The following GARNL3 variants were observed in gnomAD, a reference collection of about 807,000 sequenced individuals.
GARNL3 encodes the protein GTPase activating Rap/RanGAP domain like 3.
Under a neutral mutation model 125.0 loss-of-function variants are expected in GARNL3, and 63 were observed. That is an observed-to-expected ratio of 0.50 (90% CI 0.41 to 0.62). The LOEUF is 0.62. Among genes scored for constraint, GARNL3 ranks in the 20% least tolerant of loss-of-function variants. The pLI, the probability that GARNL3 is intolerant of heterozygous loss-of-function variation, is 0.00. For synonymous variants in GARNL3, 439 were observed against 457.5 expected, an observed-to-expected ratio of 0.96 and a Z score of 0.52; for missense variants, 994 against 1,244.0, an observed-to-expected ratio of 0.80 and a Z score of 3.02.
At chr9:127,296,837 C>T (rs564134471) in intron 2 of GARNL3, among the ~76,000 whole-genome samples, 1 of 151,946 alleles carries the variant, frequency 6.6e-6, no homozygotes, top group African/African-American at 2.4e-5. Context: ...CCTCTCTCAC[C>T]CTGGAGGTTG....
At chr9:127,360,561 C>G (rs556628869) in intron 21 of GARNL3, among the ~76,000 whole-genome samples, 1 of 152,298 alleles carries the variant, frequency 6.6e-6, no homozygotes, top group South Asian at 2.1e-4. Context: ...TGTATGTTTT[C>G]TAATAGCTGG....
intron 16 of GARNL3, among the ~76,000 whole-genome samples, chr9:127,348,624 T>C (rs930088675): frequency 2.0e-5 from 3 of 152,218 alleles, no homozygotes; most frequent in African/African-American, 7.2e-5. Context: ...TAAAGCAAAA[T>C]GCTTCCTTAG....
chr9:127,353,267 C>G (rs1353995890), intron 17 of GARNL3, among the ~76,000 whole-genome samples: 1 of 152,090 alleles, frequency 6.6e-6, no homozygotes, highest in Non-Finnish European at 1.5e-5. Flanking sequence ...AAGGAGATTT[C>G]CTATTCCTTT....
chr9:127,307,186 GCT>G (rs2064981344), intron 2 of GARNL3, among the ~76,000 whole-genome samples: 1 of 152,074 alleles, frequency 6.6e-6, no homozygotes, highest in South Asian at 2.1e-4. Context: ...TTTATGCCCC[GCT>G]CTCTGTGCTG....
In GARNL3 at chr9:127,355,294, C is replaced by T. The variant is rs199867702; in HGVS notation, c.1760-3C>T. 6.2e-6 allele frequency: 10 copies of T among 1,613,186 alleles called. No homozygotes were observed. Among genetic ancestry groups the T allele is most frequent in the Non-Finnish European group, 7.6e-6 (9 of 1,179,208 alleles). On this transcript the variant is annotated splice_region_variant and splice_polypyrimidine_tract_variant and intron_variant, in intron 19 of 27. Transcript: ENST00000373387. ...GTAAGGCATCATTTCTTTCTCCTCC[C>T]AGGCTGCCACCTGTATGCTATTAAC... is the stretch of plus-strand genomic sequence containing the variant.
At chr9:127,390,801 T>C in intron 27 of GARNL3, 34 bp downstream of exon 27, 2 of 1,604,286 alleles carry the variant, frequency 1.2e-6, no homozygotes, top group Admixed American at 1.7e-5. Flanking sequence ...CTTGGGGTGG[T>C]GGACCTATGA....
intron 1 of GARNL3, among the ~76,000 whole-genome samples, chr9:127,281,770 CTTT>C (rs1391499221): frequency 6.6e-6 from 1 of 152,228 alleles, no homozygotes. Flanking sequence ...CTCACCCCCT[CTTT>C]TTGATGCAGA....
chr9:127,308,920 A>C (rs2065024927), intron 2 of GARNL3, among the ~76,000 whole-genome samples: 1 of 152,204 alleles, frequency 6.6e-6, no homozygotes, highest in Non-Finnish European at 1.5e-5. Context: ...CAAATGAGCC[A>C]GTGGGGTAAA....
chr9:127,264,066 C>A, upstream of GARNL3: 1 of 972,600 alleles, frequency 1.0e-6, no homozygotes, highest in South Asian at 1.6e-5. Context: ...CATGTTATTC[C>A]TATATAATTT....
intron 21 of GARNL3, among the ~76,000 whole-genome samples, chr9:127,359,405 G>A (rs1162938426): frequency 1.3e-5 from 2 of 152,116 alleles, no homozygotes; most frequent in South Asian, 2.1e-4. Flanking sequence ...AAAGAGAATC[G>A]CTTGAAGCCA....
intron 2 of GARNL3, 64 bp downstream of exon 2, chr9:127,291,306 G>A (rs1181827545): frequency 1.4e-5 from 20 of 1,401,532 alleles, no homozygotes; most frequent in Non-Finnish European, 1.9e-5. Flanking sequence ...CTGGGATATA[G>A]CAGTGAAAGA....
exon 2 of GARNL3, chr9:127,243,217 G>T (rs764382054): frequency 3.7e-6 from 5 of 1,366,486 alleles, no homozygotes. Context: ...CATGGCCAAC[G>T]AAAGACCCTG....
intron 4 of GARNL3, among the ~76,000 whole-genome samples, chr9:127,314,587 G>A (rs1471629059): frequency 6.7e-6 from 1 of 148,810 alleles, no homozygotes; most frequent in Non-Finnish European, 1.5e-5. Flanking sequence ...CAAGGCAGGA[G>A]AGGGTGGGTT....
intron 1 of GARNL3, chr9:127,225,164 G>A: frequency 6.4e-6 from 1 of 155,122 alleles, no homozygotes; most frequent in Non-Finnish European, 1.4e-5. Flanking sequence ...GAGGCGGGCT[G>A]GGCTGTGGTT....
intron 24 of GARNL3, 149 bp from the exon 25 acceptor site, chr9:127,387,044 C>G: frequency 1.4e-6 from 1 of 697,544 alleles, no homozygotes; most frequent in Non-Finnish European, 2.3e-6. Flanking sequence ...CCAGAAGGCT[C>G]TCTCCATCCC....
intron 1 of GARNL3, among the ~76,000 whole-genome samples, chr9:127,276,142 T>C (rs984816425): frequency 2.0e-5 from 3 of 152,044 alleles, no homozygotes; most frequent in African/African-American, 7.3e-5. Flanking sequence ...TTTTTTTTTT[T>C]TAACATTTTG....
At chr9:127,263,898 C>T, upstream of GARNL3, 9 of 1,434,084 alleles carry the variant, frequency 6.3e-6, no homozygotes, top group Non-Finnish European at 8.2e-6. Flanking sequence ...GGCAGAGAGT[C>T]AGTTCTCTGG....
chr9:127,334,193 G>A (rs1032721875), intron 9 of GARNL3, among the ~76,000 whole-genome samples: 1 of 152,192 alleles, frequency 6.6e-6, no homozygotes, highest in Non-Finnish European at 1.5e-5. Context: ...CCTGAGTGGG[G>A]AAGGTAGGTA....
chr9:127,226,352 A>C (rs1332883487), intron 1 of GARNL3, among the ~76,000 whole-genome samples: 2 of 152,208 alleles, frequency 1.3e-5, no homozygotes, highest in South Asian at 4.1e-4. Flanking sequence ...TTTTCCCTCC[A>C]TCCTCAGTTC....
Sources: gnomAD v4.1 joint callset for allele counts (sites outside exome capture counted in the v4.1 genomes callset) on GRCh38, gnomAD v4.1.1 for gene constraint, MANE v1.5 for transcripts, NCBI Gene and HGNC (gene_info 2026-07-23, HGNC 2026-07-21) for gene names.